PCLO: variants seen among roughly 807,000 people sequenced by gnomAD.
PCLO encodes the protein protein piccolo.
PCLO carries 82 observed loss-of-function variants against 427.5 expected under a neutral mutation model. The observed-to-expected ratio is 0.19, with a 90% CI of 0.16 to 0.23. The LOEUF (loss-of-function observed/expected upper bound fraction) is 0.23, where lower values mean the gene tolerates loss of function less well. Ranked by LOEUF, PCLO falls within the 10% of genes least tolerant of loss-of-function variation. PCLO has a pLI of 1.00. For missense variants in PCLO, 6,239 were observed against 6,115.9 expected, an observed-to-expected ratio of 1.02 and a Z score of -0.67; for synonymous variants, 2,357 against 2,155.4, an observed-to-expected ratio of 1.09 and a Z score of -2.59.
chr7:82,967,599 C>T (rs1467327518), intron 3 of PCLO, among the ~76,000 whole-genome samples: 3 of 152,082 alleles, frequency 2.0e-5, no homozygotes, highest in Non-Finnish European at 4.4e-5. Flanking sequence ...TAGCAGAATC[C>T]TGGGAGAGGA....
intron 9 of PCLO, among the ~76,000 whole-genome samples, chr7:82,899,091 T>C (rs978303640): frequency 6.6e-5 from 10 of 151,448 alleles, no homozygotes; most frequent in African/African-American, 2.2e-4. Context: ...ATCACTTTGT[T>C]TCATGAAACA....
intron 3 of PCLO, among the ~76,000 whole-genome samples, chr7:83,095,488 AT>A (rs879637236): frequency 1.4e-4 from 21 of 148,852 alleles, no homozygotes; most frequent in Middle Eastern, 3.5e-3. Flanking sequence ...ATTTTGCTCT[AT>A]TTTTTTTAGG....
At chr7:83,054,754 G>A (rs1179681889) in intron 3 of PCLO, among the ~76,000 whole-genome samples, 1 of 151,984 alleles carries the variant, frequency 6.6e-6, no homozygotes, top group Non-Finnish European at 1.5e-5. Context: ...GGCAAGGCAA[G>A]TGTGCATTAA....
chr7:82,896,605 T>C (rs1793910049), intron 9 of PCLO, among the ~76,000 whole-genome samples: 2 of 151,766 alleles, frequency 1.3e-5, no homozygotes, highest in South Asian at 2.1e-4. Context: ...ATTAAAGTCA[T>C]TGATTTGTAC....
At chr7:82,978,753 A>G (rs928700902) in intron 3 of PCLO, among the ~76,000 whole-genome samples, 2 of 151,992 alleles carry the variant, frequency 1.3e-5, no homozygotes, top group African/African-American at 4.8e-5. Flanking sequence ...AAACCTTAAT[A>G]AAGTGAAATT....
At chr7:82,959,491 T>TCCA (rs1795608240) in intron 4 of PCLO, among the ~76,000 whole-genome samples, 1 of 152,186 alleles carries the variant, frequency 6.6e-6, no homozygotes, top group South Asian at 2.1e-4. Context: ...AAAGTTACGG[T>TCCA]TTTATATAAT....
chr7:82,907,373 A>G (rs1185483767), intron 8 of PCLO, among the ~76,000 whole-genome samples: 1 of 152,034 alleles, frequency 6.6e-6, no homozygotes, highest in Non-Finnish European at 1.5e-5. Flanking sequence ...TGGGGAAGAC[A>G]TAACAAGTAT....
intron 22 of PCLO, among the ~76,000 whole-genome samples, chr7:82,791,505 C>A (rs1338184179): frequency 6.6e-6 from 1 of 152,090 alleles, no homozygotes; most frequent in East Asian, 1.9e-4. Context: ...AGTCCTTTTT[C>A]AAAGTAAAAG....
At chr7:82,978,206 G>A (rs1009213897) in intron 3 of PCLO, among the ~76,000 whole-genome samples, 4 of 149,208 alleles carry the variant, frequency 2.7e-5, no homozygotes, top group East Asian at 2.0e-4. Flanking sequence ...CTCAGGTTAT[G>A]AGCCACCAAT....
At chr7:82,769,644 T>A (rs1309955297) in intron 22 of PCLO, among the ~76,000 whole-genome samples, 1 of 152,088 alleles carries the variant, frequency 6.6e-6, no homozygotes, top group Non-Finnish European at 1.5e-5. Flanking sequence ...AAGGAAAGAA[T>A]GATACCTTGT....
chr7:82,873,941 G>T (rs1490189439), intron 10 of PCLO, among the ~76,000 whole-genome samples: 1 of 152,116 alleles, frequency 6.6e-6, no homozygotes, highest in Non-Finnish European at 1.5e-5. Flanking sequence ...AAATATATGA[G>T]CAGTTAAGTT....
At chr7:83,150,541 G>A (rs1405547813) in intron 2 of PCLO, among the ~76,000 whole-genome samples, 1 of 152,180 alleles carries the variant, frequency 6.6e-6, no homozygotes, top group African/African-American at 2.4e-5. Context: ...TGATTCGTGA[G>A]TTTGGAACTA....
intron 19 of PCLO, among the ~76,000 whole-genome samples, chr7:82,822,947 TA>T (rs1584012296): frequency 6.6e-6 from 1 of 152,154 alleles, no homozygotes; most frequent in Admixed American, 6.5e-5. Flanking sequence ...CTTCTAGTAA[TA>T]AATATGTTAA....
Position 82,776,709 on chromosome 7 carries a change from C to T in PCLO, c.15008-15216G>A, listed in dbSNP as rs1199817542. ...ACTCAGGAGGCTGAAGCGGGAGAAT[C>T]GCTTGAACCCAGGAGGTGGAGGTTG... On this transcript the variant is annotated intron_variant, in intron 22 of 24. Coordinates refer to ENST00000333891, the MANE Select transcript of PCLO (RefSeq NM_033026.6). Among the ~76,000 whole-genome samples, 3 of 152,054 alleles carry T rather than the reference C, an allele frequency of 2.0e-5. No individual in the cohort carries two copies. In the East Asian group the frequency reaches 5.8e-4, roughly 29 times the overall value.
intron 3 of PCLO, among the ~76,000 whole-genome samples, chr7:82,995,755 A>C (rs1796480265): frequency 6.6e-6 from 1 of 151,984 alleles, no homozygotes; most frequent in African/African-American, 2.4e-5. Flanking sequence ...TAAAACTGGT[A>C]ATGATAATAG....
chr7:83,045,720 A>C (rs987319103), intron 3 of PCLO, among the ~76,000 whole-genome samples: 8 of 152,144 alleles, frequency 5.3e-5, no homozygotes, highest in Non-Finnish European at 1.5e-5. Context: ...AAATATAGAA[A>C]AATGAGGATG....
chr7:83,153,898 TA>T (rs146942920), intron 2 of PCLO, among the ~76,000 whole-genome samples: 16,914 of 143,338 alleles, frequency 0.12, 1,123 homozygotes, highest in South Asian at 0.17. Context: ...TCTCTTCCCC[TA>T]AAAAAAAAAA....
chr7:83,018,475 A>G (rs1453282286), intron 3 of PCLO, among the ~76,000 whole-genome samples: 1 of 151,972 alleles, frequency 6.6e-6, no homozygotes, highest in Non-Finnish European at 1.5e-5. Flanking sequence ...AAATATAGAG[A>G]GCTAAAATAA....
At chr7:83,105,340 G>C (rs1167104057) in intron 3 of PCLO, among the ~76,000 whole-genome samples, 1 of 152,078 alleles carries the variant, frequency 6.6e-6, no homozygotes, top group Non-Finnish European at 1.5e-5. Flanking sequence ...CAGAAGCAAA[G>C]TCTAATTGCT....
Sources: allele counts gnomAD v4.1 joint callset (sites outside exome capture counted in the v4.1 genomes callset), GRCh38; gene constraint gnomAD v4.1.1; transcripts MANE v1.5; gene names NCBI Gene and HGNC (gene_info 2026-07-23, HGNC 2026-07-21).